SRFBP1: variants seen among roughly 807,000 people sequenced by gnomAD.
SRFBP1 encodes serum response factor binding protein 1.
Under a neutral mutation model 45.5 loss-of-function variants are expected in SRFBP1, and 47 were observed. The ratio of observed to expected loss-of-function variants is 1.03; its 90% CI spans 0.82 to 1.32. SRFBP1 has a LOEUF of 1.32. Ranked by LOEUF, SRFBP1 falls within the 40% of genes most tolerant of loss-of-function variation. The pLI is 0.00. For missense variants in SRFBP1, 621 were observed against 484.6 expected, an observed-to-expected ratio of 1.28 and a Z score of -2.64; for synonymous variants, 203 against 166.3, an observed-to-expected ratio of 1.22 and a Z score of -1.70.
At chr5:122,005,028 G>C (rs1752948131) in intron 4 of SRFBP1, among the ~76,000 whole-genome samples, 1 of 152,018 alleles carries the variant, frequency 6.6e-6, no homozygotes, top group South Asian at 2.1e-4. Flanking sequence ...TATGTCTTCT[G>C]TTTTCTTAAA....
intron 2 of SRFBP1, among the ~76,000 whole-genome samples, chr5:122,049,778 C>T (rs201183668): frequency 1.3e-5 from 2 of 152,130 alleles, no homozygotes; most frequent in South Asian, 2.1e-4. Flanking sequence ...AATGACTACT[C>T]GGTACATAAC....
intron 2 of SRFBP1, among the ~76,000 whole-genome samples, chr5:122,041,854 AATG>A (rs1452160319): frequency 2.0e-5 from 3 of 152,204 alleles, no homozygotes; most frequent in East Asian, 1.9e-4. Flanking sequence ...CAATAATAGC[AATG>A]ATATTAGACC....
At chr5:122,024,275 G>A (rs942884953) in intron 7 of SRFBP1, among the ~76,000 whole-genome samples, 1 of 152,084 alleles carries the variant, frequency 6.6e-6, no homozygotes, top group Non-Finnish European at 1.5e-5. Flanking sequence ...TATTTCTTTG[G>A]CACATGGGTT....
chr5:122,015,780 A>G (rs1199381405), intron 4 of SRFBP1, among the ~76,000 whole-genome samples: 1 of 151,206 alleles, frequency 6.6e-6, no homozygotes, highest in Non-Finnish European at 1.5e-5. Flanking sequence ...GTTAGTTCGC[A>G]TAGAGTTTAC....
chr5:121,963,284 A>C (rs1053458780), intron 1 of SRFBP1, among the ~76,000 whole-genome samples: 1 of 152,328 alleles, frequency 6.6e-6, no homozygotes, highest in African/African-American at 2.4e-5. Context: ...TTCAGTTGAC[A>C]GTGGAGTACA....
chr5:122,031,635 A>G (rs1453384261), downstream of SRFBP1, among the ~76,000 whole-genome samples: 1 of 152,190 alleles, frequency 6.6e-6, no homozygotes, highest in East Asian at 1.9e-4. Flanking sequence ...CATGTCAACC[A>G]TAATTTTCAC....
In SRFBP1 at chr5:122,070,534, A is replaced by G. The variant is rs1754419222; in HGVS notation, n.312-4781A>G. ...TCCAGGTTTTACATCTGTAATATCA[A>G]TCCACTGGCAGTCTATGTCTGCACC... is the stretch of plus-strand genomic sequence containing the variant. On this transcript the variant is annotated intron_variant and non_coding_transcript_variant, in intron 2 of 2. Coordinates refer to the SRFBP1 transcript ENST00000504881. 1 of 1,609,254 alleles carries G rather than the reference A, an allele frequency of 6.2e-7. No individual in the cohort carries two copies. Among genetic ancestry groups the G allele is most frequent in the Non-Finnish European group, 8.5e-7 (1 of 1,176,512 alleles).
At chr5:122,051,201 A>G (rs1753968697) in intron 2 of SRFBP1, among the ~76,000 whole-genome samples, 2 of 152,160 alleles carry the variant, frequency 1.3e-5, no homozygotes, top group African/African-American at 4.8e-5. Flanking sequence ...AATGAGAAGA[A>G]TGTGCCATGT....
At chr5:121,985,718 T>C (rs1265672659) in intron 3 of SRFBP1, among the ~76,000 whole-genome samples, 1 of 151,938 alleles carries the variant, frequency 6.6e-6, no homozygotes, top group Non-Finnish European at 1.5e-5. Flanking sequence ...TTATTGAGCA[T>C]TTACCAAATG....
At chr5:122,070,321 T>C (rs887643644) in intron 2 of SRFBP1, among the ~76,000 whole-genome samples, 1 of 152,128 alleles carries the variant, frequency 6.6e-6, no homozygotes, top group Non-Finnish European at 1.5e-5. Flanking sequence ...AGACTGCATA[T>C]TTTCCCCTGA....
At chr5:121,980,462 C>T (rs1489882731) in intron 3 of SRFBP1, among the ~76,000 whole-genome samples, 3 of 152,156 alleles carry the variant, frequency 2.0e-5, no homozygotes, top group Non-Finnish European at 4.4e-5. Flanking sequence ...GATTAATGTT[C>T]TGTGGCTACA....
At chr5:122,077,727 G>A (rs746215345), downstream of SRFBP1, 2 of 1,579,376 alleles carry the variant, frequency 1.3e-6, no homozygotes, top group Admixed American at 1.8e-5. The surrounding 1 kb of genome is among the most constrained non-coding windows in gnomAD (Gnocchi z 4.9). Flanking sequence ...GGAGTGCGGG[G>A]CTGCTGGGCG....
chr5:121,998,676 A>AG (rs397726863), intron 4 of SRFBP1, among the ~76,000 whole-genome samples: 1 of 150,938 alleles, frequency 6.6e-6, no homozygotes, highest in African/African-American at 2.4e-5. Flanking sequence ...AAAAAAAAAA[A>AG]CTAAGATGCT....
Position 121,994,576 on chromosome 5 carries a change from TA to T in SRFBP1, c.199-21del, listed in dbSNP as rs772851663. On this transcript the variant is annotated intron_variant, in intron 3 of 7. Transcript: ENST00000339397. ...ATAAAAATAGACACATAACTAAAATTAATTTGTTTTATTCTTTCACAGGAAT... is the reference window on the plus strand; with the variant it reads ...ATAAAAATAGACACATAACTAAAATTATTTGTTTTATTCTTTCACAGGAAT... 4 of 1,528,620 alleles carry T rather than the reference TA, an allele frequency of 2.6e-6. No individual in the cohort carries two copies. In the South Asian group the frequency reaches 4.7e-5, roughly 18 times the overall value. The allele number at this position is 1,528,620 out of a possible 1,614,324, so 94.7% of individuals were successfully genotyped here.
chr5:122,048,435 G>T (rs552986623), intron 2 of SRFBP1, among the ~76,000 whole-genome samples: 1 of 152,182 alleles, frequency 6.6e-6, no homozygotes, highest in South Asian at 2.1e-4. Flanking sequence ...TGTGCTATTG[G>T]ATTCGGTTTG....
At position 122,028,010 on chromosome 5, in the gene SRFBP1, G is replaced by A. The variant is rs1753523258; in HGVS notation, c.*884G>A. ...TAATTTTTAAGAACAAATTCTGAAG[G>A]TGGTAGGATTAAAAGAATATTTCCA... On this transcript the variant is annotated 3_prime_UTR_variant, in exon 8 of 8. Transcript: ENST00000339397. The A allele has an allele frequency of 6.6e-6, 1 of 152,108 alleles. No homozygotes were observed. Among genetic ancestry groups the A allele is most frequent in the East Asian group, 1.9e-4 (1 of 5,192 alleles). 9.4% of individuals were successfully genotyped at this position (152,108 alleles called of 1,614,324 possible). A position where few individuals can be genotyped will look rare whatever the true frequency, so the allele number is the denominator to read the frequency against.
chr5:122,042,979 T>A (rs925783072), intron 2 of SRFBP1, among the ~76,000 whole-genome samples: 2 of 152,174 alleles, frequency 1.3e-5, no homozygotes, highest in African/African-American at 4.8e-5. Context: ...TACTATAGAT[T>A]ATTGCTTAAA....
intron 2 of SRFBP1, among the ~76,000 whole-genome samples, chr5:122,053,603 C>G (rs1561410215): frequency 6.6e-6 from 1 of 151,984 alleles, no homozygotes; most frequent in Admixed American, 6.6e-5. Flanking sequence ...GAGGCTGCAC[C>G]CACCAGCTGA....
intron 2 of SRFBP1, among the ~76,000 whole-genome samples, chr5:122,033,934 C>T (rs2112723222): frequency 6.6e-6 from 1 of 150,846 alleles, no homozygotes; most frequent in South Asian, 2.1e-4. Context: ...AGCAGTTCTC[C>T]TGCCTCAGCC....
Sources: allele counts gnomAD v4.1 joint callset (sites outside exome capture counted in the v4.1 genomes callset), GRCh38; gene constraint gnomAD v4.1.1; non-coding constraint Gnocchi (gnomAD v3.1); transcripts MANE v1.5; gene names NCBI Gene and HGNC (gene_info 2026-07-23, HGNC 2026-07-21).